The following SLIT1 variants were observed in gnomAD, a reference collection of about 807,000 sequenced individuals.
SLIT1 encodes slit homolog 1 protein.
In SLIT1, 66 loss-of-function variants were observed where a neutral mutation model predicts 186.1. The observed-to-expected ratio is 0.35, with a 90% CI of 0.29 to 0.44. The LOEUF (loss-of-function observed/expected upper bound fraction) is 0.44, where lower values mean the gene tolerates loss of function less well. SLIT1 is among the 20% of genes least tolerant of loss of function. The probability of loss-of-function intolerance (pLI) is 1.00; values close to 1 mark genes in which losing one functional copy is unlikely to be tolerated. For synonymous variants in SLIT1, 761 were observed against 833.8 expected, an observed-to-expected ratio of 0.91 and a Z score of 1.50; for missense variants, 1,638 against 2,037.4, an observed-to-expected ratio of 0.80 and a Z score of 3.77.
In SLIT1 at chr10:97,182,840, T is replaced by C. The variant is rs539746923; in HGVS notation, c.197+2638A>G. ...CAGGTTTTTGGCTCATACTCACACC[T>C]GCTGGCTTTTTGCTTATGCTCACGC... is the stretch of plus-strand genomic sequence containing the variant. On this transcript the variant is annotated intron_variant, in intron 1 of 36. Transcript: ENST00000266058. Among the ~76,000 whole-genome samples the C allele has an allele frequency of 3.3e-5, 5 of 152,230 alleles. No individual in the cohort carries two copies. The East Asian group carries it at 9.7e-4, about 29-fold the overall frequency.
intron 4 of SLIT1, among the ~76,000 whole-genome samples, chr10:97,099,425 T>C (rs1333003850): frequency 6.7e-6 from 1 of 149,340 alleles, no homozygotes; most frequent in Non-Finnish European, 1.5e-5. Flanking sequence ...AAAGTCAAAA[T>C]TGCACAAAGA....
chr10:97,023,727 C>T (rs1261496583), intron 25 of SLIT1, among the ~76,000 whole-genome samples: 1 of 152,140 alleles, frequency 6.6e-6, no homozygotes, highest in East Asian at 1.9e-4. Flanking sequence ...CAGATCACCT[C>T]AGGTCAGGAG....
chr10:97,009,506 A>C (rs1224104892), intron 31 of SLIT1, among the ~76,000 whole-genome samples: 1 of 152,244 alleles, frequency 6.6e-6, no homozygotes, highest in Non-Finnish European at 1.5e-5. Flanking sequence ...TGACCTAAAT[A>C]TAAGAGCTAA....
At chr10:97,065,181 C>A (rs566094494) in intron 5 of SLIT1, among the ~76,000 whole-genome samples, 2 of 151,460 alleles carry the variant, frequency 1.3e-5, no homozygotes, top group African/African-American at 4.9e-5. Context: ...TTTTGGAGAC[C>A]ACCTAGTGGG....
In SLIT1 at chr10:97,045,415, T is replaced by C. The variant is rs117584354; in HGVS notation, c.1853+1239A>G. Among the ~76,000 whole-genome samples the C allele has an allele frequency of 3.3e-3, 496 of 152,354 alleles. 3 individuals carry two copies. Among genetic ancestry groups the C allele is most frequent in the Middle Eastern group, 6.8e-3 (2 of 294 alleles). On this transcript the variant is annotated intron_variant, in intron 18 of 36. Coordinates refer to ENST00000266058, the MANE Select transcript of SLIT1 (RefSeq NM_003061.3). ...GTCCATTAGAATATTTCTGTATGCGTGCATGCTTGTATGTATGTATGTGTG... is the reference window on the plus strand; with the variant it reads ...GTCCATTAGAATATTTCTGTATGCGCGCATGCTTGTATGTATGTATGTGTG...
At chr10:97,034,687 C>T in intron 22 of SLIT1, 145 bp from the exon 23 acceptor site, 2 of 693,508 alleles carry the variant, frequency 2.9e-6, no homozygotes, top group Non-Finnish European at 2.6e-6. Flanking sequence ...GGTGCACAGC[C>T]TCGGGTCTCA....
rs997329961 is a variant in SLIT1, at chr10:97,109,794, C to T, written c.414-43708G>A. Among the ~76,000 whole-genome samples the T allele has an allele frequency of 1.8e-4, 28 of 152,244 alleles. No homozygotes were observed. In the East Asian group the frequency reaches 4.8e-3, roughly 26 times the overall value. ...TCTGTAGCACATTAAAGAGAAACATCGCCGACAAACCTCTCAGTCCCTGCC... is the reference window on the plus strand; with the variant it reads ...TCTGTAGCACATTAAAGAGAAACATTGCCGACAAACCTCTCAGTCCCTGCC... On this transcript the variant is annotated intron_variant, in intron 4 of 36. Transcript: ENST00000266058.
intron 10 of SLIT1, 117 bp from the exon 11 acceptor site, chr10:97,059,648 G>A: frequency 1.3e-6 from 1 of 765,592 alleles, no homozygotes; most frequent in Non-Finnish European, 2.3e-6. Context: ...TTTGAAATGA[G>A]AATAGTGAGA....
chr10:97,115,215 A>T (rs938672828), intron 4 of SLIT1, among the ~76,000 whole-genome samples: 2 of 152,162 alleles, frequency 1.3e-5, no homozygotes, highest in African/African-American at 4.8e-5. Flanking sequence ...GAGATTGCCC[A>T]CCTGGGCTCT....
intron 10 of SLIT1, 167 bp from the exon 11 acceptor site, chr10:97,059,698 A>T: frequency 1.5e-6 from 1 of 661,730 alleles, no homozygotes; most frequent in South Asian, 1.7e-5. Flanking sequence ...CATGGCCGCT[A>T]TTTCCCTGTG....
intron 25 of SLIT1, among the ~76,000 whole-genome samples, chr10:97,029,449 C>T (rs1226304742): frequency 1.3e-5 from 2 of 152,170 alleles, no homozygotes; most frequent in African/African-American, 2.4e-5. Context: ...GAGACAGTTG[C>T]ACCTGAGGTG....
Position 97,030,845 on chromosome 10 carries a change from C to T in SLIT1, c.2511-17G>A. The T allele has an allele frequency of 1.2e-6, 2 of 1,609,834 alleles. No individual in the cohort carries two copies. The highest frequency in any genetic ancestry group is 8.5e-7 in the Non-Finnish European group (1 of 1,176,514). ...TGGAGAGACCTGAGAAGGGAAGAGG[C>T]TGCTGGTGCCTTATCCAGGGACAGA... On this transcript the variant is annotated splice_polypyrimidine_tract_variant and intron_variant, in intron 24 of 36. Coordinates refer to ENST00000266058, the MANE Select transcript of SLIT1 (RefSeq NM_003061.3).
chr10:97,077,750 T>A lies in SLIT1; in HGVS notation c.414-11664A>T, dbSNP rs528078742. 3.3e-5 allele frequency among the ~76,000 whole-genome samples: 5 copies of A among 152,140 alleles called. No homozygotes were observed. In the South Asian group the frequency reaches 1.0e-3, roughly 31 times the overall value. On this transcript the variant is annotated intron_variant, in intron 4 of 36. Transcript: ENST00000266058. ...ACCACCTCTTCCACTCCTAAGAGAA[T>A]GATAAGATTCACGGAATTAAAGCTC...
intron 4 of SLIT1, among the ~76,000 whole-genome samples, chr10:97,073,318 C>G (rs1361505311): frequency 6.6e-6 from 1 of 152,222 alleles, no homozygotes; most frequent in Non-Finnish European, 1.5e-5. Flanking sequence ...GCCCGTCCTC[C>G]TCCCACGCGG....
rs375969989 is a variant in SLIT1 at position 97,067,794 on chromosome 10, A to G, written c.414-1708T>C. Among the ~76,000 whole-genome samples, 9 of 152,160 alleles carry G rather than the reference A, an allele frequency of 5.9e-5. No homozygotes were observed. The East Asian group carries it at 7.7e-4, about 13-fold the overall frequency. ...CCGTCCTGACATAGGCCCCAGTGCCAGGCAGTTCCACAGCCCCACCTCCTC... is the reference window on the plus strand; with the variant it reads ...CCGTCCTGACATAGGCCCCAGTGCCGGGCAGTTCCACAGCCCCACCTCCTC... On this transcript the variant is annotated intron_variant, in intron 4 of 36. Transcript: ENST00000266058.
chr10:97,030,332 G>A (rs535239894), intron 25 of SLIT1, among the ~76,000 whole-genome samples: 1 of 152,314 alleles, frequency 6.6e-6, no homozygotes, highest in African/African-American at 2.4e-5. Context: ...CACAGTACTA[G>A]TGGAGCGCTT....
At chr10:97,032,515 G>A (rs559135318) in intron 23 of SLIT1, among the ~76,000 whole-genome samples, 9 of 151,158 alleles carry the variant, frequency 6.0e-5, no homozygotes, top group Non-Finnish European at 1.3e-4. Context: ...GTTGCAGTGA[G>A]CCAAAATCGC....
At chr10:97,139,904 C>T (rs1226770954) in intron 4 of SLIT1, among the ~76,000 whole-genome samples, 3 of 152,164 alleles carry the variant, frequency 2.0e-5, no homozygotes, top group African/African-American at 7.2e-5. Context: ...GGTCCAACCA[C>T]GGGGTCTCAG....
chr10:97,133,947 A>G (rs925767793), intron 4 of SLIT1, among the ~76,000 whole-genome samples: 7 of 151,894 alleles, frequency 4.6e-5, no homozygotes, highest in Non-Finnish European at 1.0e-4. Flanking sequence ...TACCCTTGCT[A>G]TTGGATTTGG....
Sources: gnomAD v4.1 joint callset for allele counts (sites outside exome capture counted in the v4.1 genomes callset) on GRCh38, gnomAD v4.1.1 for gene constraint, MANE v1.5 for transcripts, NCBI Gene and HGNC (gene_info 2026-07-23, HGNC 2026-07-21) for gene names.